The following GSS variants were observed in gnomAD, a reference collection of about 807,000 sequenced individuals.
GSS encodes glutathione synthetase.
In GSS, 34 loss-of-function variants were observed where a neutral mutation model predicts 60.4. The ratio of observed to expected loss-of-function variants is 0.56; its 90% CI spans 0.43 to 0.75. The LOEUF (loss-of-function observed/expected upper bound fraction) is 0.75, where lower values mean the gene tolerates loss of function less well. Ranked by LOEUF, GSS falls within the 30% of genes least tolerant of loss-of-function variation. The pLI, the probability that GSS is intolerant of heterozygous loss-of-function variation, is 0.00. For synonymous variants in GSS, 224 were observed against 239.0 expected (o/e 0.94, Z 0.58); for missense variants, 499 against 595.1 (o/e 0.84, Z 1.68).
chr20:34,945,839 A>C, intron 3 of GSS, 114 bp downstream of exon 3: 1 of 1,124,056 alleles, frequency 8.9e-7, no homozygotes, highest in Non-Finnish European at 1.3e-6. Context: ...CTTTGGAGGT[A>C]CCTTTCCTCT....
At chr20:34,937,900 C>A (rs2081452517) in intron 6 of GSS, among the ~76,000 whole-genome samples, 1 of 152,116 alleles carries the variant, frequency 6.6e-6, no homozygotes. Flanking sequence ...CCCTGTTGCC[C>A]AGGCTGGAGT....
chr20:34,951,520 TAA>T, intron 2 of GSS: 1 of 604,914 alleles, frequency 1.7e-6, no homozygotes, highest in Non-Finnish European at 2.9e-6. Context: ...GTAATTTGCC[TAA>T]GTCACACTTC....
At chr20:34,953,194 G>T (rs1260841872) in intron 1 of GSS, among the ~76,000 whole-genome samples, 1 of 152,136 alleles carries the variant, frequency 6.6e-6, no homozygotes, top group Non-Finnish European at 1.5e-5. Context: ...ATTTTGTTCT[G>T]CCCTGTTGCC....
intron 2 of GSS, among the ~76,000 whole-genome samples, chr20:34,946,444 C>A (rs754566837): frequency 2.0e-5 from 3 of 152,188 alleles, no homozygotes. Context: ...CTATTATTAT[C>A]CACACTTAAC....
intron 6 of GSS, 26 bp downstream of exon 6, chr20:34,941,687 C>A: frequency 8.2e-7 from 1 of 1,212,548 alleles, no homozygotes; most frequent in South Asian, 1.2e-5. Flanking sequence ...AAGCAGGATC[C>A]TCCTGCTACC....
intron 2 of GSS, 125 bp downstream of exon 2, chr20:34,951,599 T>G: frequency 9.5e-7 from 1 of 1,055,596 alleles, no homozygotes; most frequent in Non-Finnish European, 1.4e-6. Flanking sequence ...TAGAGATCAA[T>G]TTTAGTTACT....
In GSS at chr20:34,928,665, G is replaced by C. The variant is rs2081370968; in HGVS notation, c.*163C>G. On this transcript the variant is annotated 3_prime_UTR_variant, in exon 13 of 13. Transcript: ENST00000651619. ...TGGGGGCGTCTAGATCTCATCTAAG[G>C]GAGACACAACTTTTCTGGTCCTCAG... is the stretch of plus-strand genomic sequence containing the variant. The C allele has an allele frequency of 6.5e-6, 5 of 773,264 alleles. No individual in the cohort carries two copies. The South Asian group carries it at 7.5e-5, about 12-fold the overall frequency. 47.9% of individuals were successfully genotyped at this position (773,264 alleles called of 1,614,324 possible).
chr20:34,954,985 GATTC>G (rs766197045), intron 1 of GSS: 2 of 152,446 alleles, frequency 1.3e-5, no homozygotes, highest in Non-Finnish European at 2.9e-5. Flanking sequence ...GCGTGAAACA[GATTC>G]AGAGTCAGGT....
chr20:34,951,287 A>G (rs557322073), intron 2 of GSS, among the ~76,000 whole-genome samples: 54 of 152,364 alleles, frequency 3.5e-4, no homozygotes, highest in Middle Eastern at 3.4e-3. Context: ...ACGTATTTCT[A>G]TATATACCTA....
chr20:34,941,354 CAAAA>C (rs11349896), intron 6 of GSS, among the ~76,000 whole-genome samples: 10 of 118,750 alleles, frequency 8.4e-5, no homozygotes, highest in Admixed American at 1.8e-4. Context: ...GACTCTGTCT[CAAAA>C]AAAAAAAAAA....
At position 34,928,494 on chromosome 20, in the gene GSS, C is replaced by G. The variant is rs1384149288; in HGVS notation, c.*334G>C. The G allele has an allele frequency of 9.1e-6, 4 of 438,132 alleles. No individual in the cohort carries two copies. The highest frequency in any genetic ancestry group is 2.0e-5 in the African/African-American group (1 of 50,344). The allele number at this position is 438,132 out of a possible 1,614,324, so 27.1% of individuals were successfully genotyped here. A position where few individuals can be genotyped will look rare whatever the true frequency, so the allele number is the denominator to read the frequency against. On this transcript the variant is annotated 3_prime_UTR_variant, in exon 13 of 13. Coordinates refer to ENST00000651619, the MANE Select transcript of GSS (RefSeq NM_000178.4). ...GGGAAAGGCTATGCCCCTCCACTCC[C>G]CCTCCTCCTACCACTCAGTCCTATC...
Position 34,936,289 on chromosome 20 carries a change from T to C in GSS, c.767+474A>G, listed in dbSNP as rs1341071022. Reference sequence around the variant, plus strand: ...ACAATCACAAAGGTCTAGGTCTAAATATATGTGCTGCAATGCTACCCAAAT... The same window carrying C: ...ACAATCACAAAGGTCTAGGTCTAAACATATGTGCTGCAATGCTACCCAAAT... On this transcript the variant is annotated intron_variant, in intron 8 of 12. Transcript: ENST00000651619. Among the ~76,000 whole-genome samples, 3 of 152,240 alleles carry C rather than the reference T, an allele frequency of 2.0e-5. No individual in the cohort carries two copies. The East Asian group carries it at 5.8e-4, about 29-fold the overall frequency.
At chr20:34,930,868 T>G (rs1401791591) in intron 11 of GSS, among the ~76,000 whole-genome samples, 2 of 152,094 alleles carry the variant, frequency 1.3e-5, no homozygotes, top group Non-Finnish European at 2.9e-5. Context: ...CATCTCACAC[T>G]TTCATGGCCC....
At chr20:34,937,298 T>C (rs1375607171) in intron 6 of GSS, among the ~76,000 whole-genome samples, 1 of 152,248 alleles carries the variant, frequency 6.6e-6, no homozygotes, top group Non-Finnish European at 1.5e-5. Context: ...AATGATGTCA[T>C]GGGTTGATGA....
chr20:34,942,111 T>C (rs1373868996), intron 5 of GSS, among the ~76,000 whole-genome samples: 1 of 152,072 alleles, frequency 6.6e-6, no homozygotes. Flanking sequence ...GGCCTCCAGG[T>C]GCTGTCTGGA....
In GSS at chr20:34,952,317, T is replaced by C. The variant is rs534239359; in HGVS notation, c.-8-457A>G. On this transcript the variant is annotated intron_variant, in intron 1 of 12. Transcript: ENST00000651619. ...TAACTGTGAAACAAGAAGAATCGGA[T>C]AGATCAGTTTCCAAACCTGGCTGAA... 2.2e-4 allele frequency: 48 copies of C among 219,424 alleles called. 2 individuals carry two copies. The South Asian group carries it at 3.1e-3, about 14-fold the overall frequency. 13.6% of individuals were successfully genotyped at this position (219,424 alleles called of 1,614,324 possible).
At chr20:34,931,481 C>T in intron 10 of GSS, 64 bp from the exon 11 acceptor site, 1 of 1,309,016 alleles carries the variant, frequency 7.6e-7, no homozygotes, top group South Asian at 1.2e-5. Flanking sequence ...AGCTTAGGTC[C>T]AGCTGGTTAT....
chr20:34,938,631 C>T (rs35986481), intron 6 of GSS, among the ~76,000 whole-genome samples: 76 of 152,248 alleles, frequency 5.0e-4, no homozygotes, highest in African/African-American at 1.7e-3. Flanking sequence ...CAAAAAGAGG[C>T]GGAGGAGGAA....
rs749741013 is a variant in GSS at position 34,936,776 on chromosome 20, G to A, written c.754C>T (p.Arg252Ter). ...ISEKGSLDQD[R>*]RLFVDGQEIA... ...GGGAATGCTTACACAAACAGCCTTC[G>A]GTCTTGGTCCAGAGACCCCTTTTCA... Residue 252 changes from arginine to a stop codon, truncating the protein, a stop_gained, in exon 8 of 13, where the codon CGA becomes TGA. Transcript: ENST00000651619. LOFTEE classifies it high-confidence loss of function. The A allele has an allele frequency of 1.6e-5, 25 of 1,612,570 alleles. No individual in the cohort carries two copies. Among genetic ancestry groups the A allele is most frequent in the Middle Eastern group, 1.6e-4 (1 of 6,080 alleles).
Sources: gnomAD v4.1 joint callset for allele counts (sites outside exome capture counted in the v4.1 genomes callset) on GRCh38, gnomAD v4.1.1 for gene constraint, MANE v1.5 for transcripts, NCBI Gene and HGNC (gene_info 2026-07-23, HGNC 2026-07-21) for gene names.